NSMCE2: variants seen among roughly 807,000 people sequenced by gnomAD.
The protein encoded by NSMCE2 is NSE2 SUMO ligase component of SMC5/6 complex.
In NSMCE2, 24 loss-of-function variants were observed where a neutral mutation model predicts 23.8. The observed-to-expected ratio is 1.01, with a 90% CI of 0.73 to 1.42. NSMCE2 has a LOEUF of 1.42. NSMCE2 is among the 40% of genes most tolerant of loss of function. The probability of loss-of-function intolerance (pLI) is 0.00; values close to 1 mark genes in which losing one functional copy is unlikely to be tolerated. For synonymous variants in NSMCE2, 92 were observed against 94.1 expected (o/e 0.98, Z 0.13); for missense variants, 284 against 296.5 (o/e 0.96, Z 0.31).
intron 5 of NSMCE2, among the ~76,000 whole-genome samples, chr8:125,313,737 G>A (rs1026483847): frequency 4.6e-5 from 7 of 152,148 alleles, no homozygotes; most frequent in African/African-American, 1.7e-4. Flanking sequence ...TGGACAAAGT[G>A]TGACACTGTT....
At chr8:125,298,658 C>A (rs1828424173) in intron 5 of NSMCE2, among the ~76,000 whole-genome samples, 1 of 149,018 alleles carries the variant, frequency 6.7e-6, no homozygotes, top group Admixed American at 6.7e-5. Context: ...TGGTTCTTAA[C>A]AGGGATTGCA....
rs752038710 is a variant in NSMCE2, at chr8:125,340,012, G to GTTTTTTTTTTTT, written c.419-17198_419-17187dup. 2.9e-3 allele frequency among the ~76,000 whole-genome samples: 303 copies of GTTTTTTTTTTTT among 102,794 alleles called. 2 individuals carry two copies. Among genetic ancestry groups the GTTTTTTTTTTTT allele is most frequent in the East Asian group, 8.8e-3 (29 of 3,278 alleles). The allele number at this position is 102,794 out of a possible 152,430, so 67.4% of individuals were successfully genotyped here. ...GCCTCCGACGTTGTAGTTTTTTTTTGTTTTTTTTTTTTTTTTTTTTGAGAC... is the reference window on the plus strand; with the variant it reads ...GCCTCCGACGTTGTAGTTTTTTTTTGTTTTTTTTTTTTTTTTTTTTTTTTTTTTTTTTGAGAC... On this transcript the variant is annotated intron_variant, in intron 5 of 7. Transcript: ENST00000287437.
In NSMCE2 at chr8:125,363,282, C is replaced by T. The variant is rs551333829; in HGVS notation, c.627-3486C>T. The T allele has an allele frequency of 1.2e-4, 18 of 152,232 alleles. No individual in the cohort carries two copies. The East Asian group carries it at 3.1e-3, about 26-fold the overall frequency. 9.4% of individuals were successfully genotyped at this position (152,232 alleles called of 1,614,324 possible). ...CTTTGGGAGGCCAAGGCAGGTGGAT[C>T]ACTTGAGCTCAGGAGTTCAGGACCA... is the stretch of plus-strand genomic sequence containing the variant. On this transcript the variant is annotated intron_variant, in intron 7 of 7. Transcript: ENST00000287437.
intron 5 of NSMCE2, among the ~76,000 whole-genome samples, chr8:125,252,298 G>T (rs775445052): frequency 6.6e-6 from 1 of 152,204 alleles, no homozygotes; most frequent in Non-Finnish European, 1.5e-5. Context: ...AGAGGCCAAG[G>T]GGGGCAGATC....
intron 4 of NSMCE2, among the ~76,000 whole-genome samples, chr8:125,170,250 C>T (rs971812996): frequency 6.6e-5 from 10 of 152,166 alleles, no homozygotes; most frequent in Admixed American, 5.2e-4. Flanking sequence ...CTCCTGACTT[C>T]CCCATCTTAG....
At chr8:125,325,691 C>T (rs1388680522) in intron 5 of NSMCE2, among the ~76,000 whole-genome samples, 3 of 152,090 alleles carry the variant, frequency 2.0e-5, no homozygotes, top group Non-Finnish European at 4.4e-5. Flanking sequence ...GTGGCTCACA[C>T]CTGTAATCCC....
intron 3 of NSMCE2, among the ~76,000 whole-genome samples, chr8:125,137,637 A>C (rs1231691727): frequency 6.6e-6 from 1 of 152,154 alleles, no homozygotes; most frequent in Non-Finnish European, 1.5e-5. Flanking sequence ...AACATGCATA[A>C]ATCTTAAGAG....
At chr8:125,159,959 C>CAAA (rs1201506209) in intron 4 of NSMCE2, among the ~76,000 whole-genome samples, 1 of 102,728 alleles carries the variant, frequency 9.7e-6, no homozygotes. Flanking sequence ...GACTCTGTCT[C>CAAA]AAAAAAAAAA....
intron 3 of NSMCE2, among the ~76,000 whole-genome samples, chr8:125,132,598 A>G (rs900624885): frequency 7.9e-5 from 12 of 152,070 alleles, no homozygotes; most frequent in African/African-American, 1.2e-4. Context: ...GGCTTAAGCA[A>G]TCCTCCCACC....
chr8:125,115,735 A>AAAT (rs1818974298), intron 3 of NSMCE2, among the ~76,000 whole-genome samples: 1 of 152,174 alleles, frequency 6.6e-6, no homozygotes, highest in Admixed American at 6.5e-5. Flanking sequence ...TCAATAAAAA[A>AAAT]AAATAATAAT....
chr8:125,258,892 T>G (rs1485913334), intron 5 of NSMCE2, among the ~76,000 whole-genome samples: 2 of 152,220 alleles, frequency 1.3e-5, no homozygotes, highest in African/African-American at 4.8e-5. Context: ...GTTTCTGGCC[T>G]GCTCACAGAG....
intron 5 of NSMCE2, among the ~76,000 whole-genome samples, chr8:125,267,168 C>T (rs781753045): frequency 2.6e-5 from 4 of 151,768 alleles, no homozygotes; most frequent in South Asian, 2.1e-4. Flanking sequence ...CTGCCACGCC[C>T]GGTTAATTTT....
chr8:125,093,220 T>A (rs981005255), intron 1 of NSMCE2, among the ~76,000 whole-genome samples: 7 of 152,224 alleles, frequency 4.6e-5, no homozygotes, highest in Non-Finnish European at 1.0e-4. Context: ...AAAGCAGCTA[T>A]CTGGAGCATC....
intron 3 of NSMCE2, among the ~76,000 whole-genome samples, chr8:125,129,361 T>C (rs909024093): frequency 6.6e-6 from 1 of 152,182 alleles, no homozygotes; most frequent in Non-Finnish European, 1.5e-5. Flanking sequence ...TAAACATCTT[T>C]TTAAGCCTAT....
chr8:125,229,472 G>A (rs1304815990), intron 5 of NSMCE2, among the ~76,000 whole-genome samples: 1 of 152,172 alleles, frequency 6.6e-6, no homozygotes, highest in Non-Finnish European at 1.5e-5. Context: ...TAAGAATAAT[G>A]AGGGAAGGGA....
intron 5 of NSMCE2, among the ~76,000 whole-genome samples, chr8:125,233,993 G>A (rs567671659): frequency 1.4e-5 from 2 of 146,834 alleles, no homozygotes; most frequent in African/African-American, 5.1e-5. Flanking sequence ...TGGCTAACAT[G>A]GTGAAACCCT....
At chr8:125,337,670 G>A (rs1462227395) in intron 5 of NSMCE2, among the ~76,000 whole-genome samples, 1 of 151,988 alleles carries the variant, frequency 6.6e-6, no homozygotes, top group Non-Finnish European at 1.5e-5. Context: ...CGAGGCTGGC[G>A]GATCACCTGA....
chr8:125,109,655 C>T (rs1222843845), intron 3 of NSMCE2, among the ~76,000 whole-genome samples: 1 of 152,122 alleles, frequency 6.6e-6, no homozygotes, highest in African/African-American at 2.4e-5. Flanking sequence ...GATTCTTGCT[C>T]CCAAGAACTA....
intron 5 of NSMCE2, among the ~76,000 whole-genome samples, chr8:125,347,176 A>T (rs145078267): frequency 3.3e-5 from 5 of 152,242 alleles, no homozygotes; most frequent in African/African-American, 9.6e-5. Context: ...TCTCCATTTC[A>T]TAGCTGAGAA....
Sources: allele counts gnomAD v4.1 joint callset (sites outside exome capture counted in the v4.1 genomes callset), GRCh38; gene constraint gnomAD v4.1.1; transcripts MANE v1.5; gene names NCBI Gene and HGNC (gene_info 2026-07-23, HGNC 2026-07-21).